PARD3: variants seen among roughly 807,000 people sequenced by gnomAD.
The protein encoded by PARD3 is partitioning defective 3 homolog.
PARD3 carries 75 observed loss-of-function variants against 155.4 expected under a neutral mutation model. The ratio of observed to expected loss-of-function variants is 0.48; its 90% CI spans 0.40 to 0.58. The LOEUF (loss-of-function observed/expected upper bound fraction) is 0.58, where lower values mean the gene tolerates loss of function less well. Among genes scored for constraint, PARD3 ranks in the 20% least tolerant of loss-of-function variants. The pLI, the probability that PARD3 is intolerant of heterozygous loss-of-function variation, is 0.00. For missense variants in PARD3, 1,642 were observed against 1,721.7 expected (o/e 0.95, Z 0.82); for synonymous variants, 576 against 610.5 (o/e 0.94, Z 0.83).
chr10:34,694,525 C>A (rs1021921815), intron 2 of PARD3, among the ~76,000 whole-genome samples: 1 of 135,774 alleles, frequency 7.4e-6, no homozygotes, highest in Non-Finnish European at 1.5e-5. Flanking sequence ...GGTTGGAGTG[C>A]AGTGGTGTGA....
At chr10:34,480,788 C>CT (rs1171867112) in intron 3 of PARD3, among the ~76,000 whole-genome samples, 1 of 129,528 alleles carries the variant, frequency 7.7e-6, no homozygotes, top group Non-Finnish European at 1.6e-5. Flanking sequence ...CTGCAGGTTT[C>CT]TTTTTCTTTT....
intron 2 of PARD3, among the ~76,000 whole-genome samples, chr10:34,579,667 G>A (rs989269304): frequency 1.0e-4 from 15 of 146,506 alleles, no homozygotes; most frequent in African/African-American, 3.3e-4. Flanking sequence ...TGCAACCTCC[G>A]CCTCCCAGGT....
At chr10:34,634,098 A>G (rs2092381102) in intron 2 of PARD3, among the ~76,000 whole-genome samples, 1 of 152,198 alleles carries the variant, frequency 6.6e-6, no homozygotes, top group East Asian at 1.9e-4. Context: ...AGATGACACT[A>G]GAAGATGAAA....
chr10:34,340,189 C>T (rs1359951525), intron 16 of PARD3, among the ~76,000 whole-genome samples: 1 of 152,158 alleles, frequency 6.6e-6, no homozygotes, highest in Non-Finnish European at 1.5e-5. Flanking sequence ...CAATCTATCC[C>T]TTCTACTTAT....
chr10:34,709,739 G>A (rs1311734754), intron 1 of PARD3, among the ~76,000 whole-genome samples: 1 of 152,154 alleles, frequency 6.6e-6, no homozygotes, highest in African/African-American at 2.4e-5. Context: ...AAAACAGAGA[G>A]GGAGAAGGGA....
chr10:34,684,243 C>G (rs2133366009), intron 2 of PARD3, among the ~76,000 whole-genome samples: 1 of 152,326 alleles, frequency 6.6e-6, no homozygotes, highest in Middle Eastern at 3.4e-3. Context: ...GAACCACACA[C>G]ACTGTCCTCA....
At chr10:34,706,931 G>A (rs1047800390) in intron 1 of PARD3, among the ~76,000 whole-genome samples, 3 of 151,954 alleles carry the variant, frequency 2.0e-5, no homozygotes, top group Non-Finnish European at 4.4e-5. Flanking sequence ...AACACAGTGA[G>A]ATCCTGTCTC....
At chr10:34,309,744 T>TCCCCCCCC (rs1554827542) in intron 20 of PARD3, among the ~76,000 whole-genome samples, 2 of 110,672 alleles carry the variant, frequency 1.8e-5, no homozygotes, top group Non-Finnish European at 3.7e-5. Flanking sequence ...TTCAACCATC[T>TCCCCCCCC]CCCCCACCCC....
chr10:34,521,364 C>CAAAAAA (rs35030184), intron 2 of PARD3, among the ~76,000 whole-genome samples: 2 of 90,510 alleles, frequency 2.2e-5, no homozygotes, highest in Admixed American at 1.2e-4. Context: ...AGTAACACAG[C>CAAAAAA]AAAAAAAAAA....
At chr10:34,461,200 C>A (rs78693215) in intron 4 of PARD3, among the ~76,000 whole-genome samples, 3,330 of 152,310 alleles carry the variant, frequency 0.022, 65 homozygotes, top group Non-Finnish European at 0.033. Flanking sequence ...AGCAATCCAT[C>A]TGATACTCTT....
chr10:34,231,858 G>A (rs1225284317), intron 22 of PARD3, among the ~76,000 whole-genome samples: 1 of 152,004 alleles, frequency 6.6e-6, no homozygotes, highest in Non-Finnish European at 1.5e-5. Context: ...CAGCAGTGTG[G>A]CCTGTTGATA....
At chr10:34,454,016 A>G (rs1314483436) in intron 4 of PARD3, among the ~76,000 whole-genome samples, 6 of 152,258 alleles carry the variant, frequency 3.9e-5, no homozygotes, top group African/African-American at 1.4e-4. Flanking sequence ...ATGAATCCAT[A>G]TATTGACTTA....
At chr10:34,602,670 G>C (rs113876629) in intron 2 of PARD3, among the ~76,000 whole-genome samples, 1 of 152,202 alleles carries the variant, frequency 6.6e-6, no homozygotes, top group African/African-American at 2.4e-5. Context: ...CCAGCAATGA[G>C]AGAATGTATA....
intron 22 of PARD3, among the ~76,000 whole-genome samples, chr10:34,158,904 G>A (rs1226686535): frequency 1.3e-5 from 2 of 152,226 alleles, no homozygotes; most frequent in Admixed American, 1.3e-4. Context: ...AGAGAAGTGA[G>A]GTTGAAAGGC....
intron 6 of PARD3, 114 bp downstream of exon 6, chr10:34,401,712 C>T: frequency 2.6e-6 from 2 of 766,446 alleles, no homozygotes; most frequent in Non-Finnish European, 2.4e-6. Flanking sequence ...CAATGCACGG[C>T]ATGTTTTTAA....
intron 5 of PARD3, among the ~76,000 whole-genome samples, chr10:34,414,104 G>A (rs775612793): frequency 5.9e-5 from 9 of 152,014 alleles, no homozygotes; most frequent in Non-Finnish European, 1.0e-4. Context: ...AGGCTGAGGT[G>A]GGAGGATCAC....
intron 7 of PARD3, among the ~76,000 whole-genome samples, chr10:34,385,707 A>G (rs1282020879): frequency 6.6e-6 from 1 of 152,200 alleles, no homozygotes; most frequent in Non-Finnish European, 1.5e-5. Flanking sequence ...TGCTGCTTCT[A>G]TACTTTTCCA....
At chr10:34,766,995 A>G (rs1163035928) in intron 1 of PARD3, among the ~76,000 whole-genome samples, 1 of 152,180 alleles carries the variant, frequency 6.6e-6, no homozygotes, top group African/African-American at 2.4e-5. Flanking sequence ...TCCCACAAGC[A>G]GCACATCCCT....
At chr10:34,511,372 C>A (rs1420803699) in intron 3 of PARD3, among the ~76,000 whole-genome samples, 1 of 152,020 alleles carries the variant, frequency 6.6e-6, no homozygotes, top group African/African-American at 2.4e-5. Flanking sequence ...TCATTTTGTC[C>A]TGCTCTAACA....
Sources: gnomAD v4.1 joint callset for allele counts (sites outside exome capture counted in the v4.1 genomes callset) on GRCh38, gnomAD v4.1.1 for gene constraint, MANE v1.5 for transcripts, NCBI Gene and HGNC (gene_info 2026-07-23, HGNC 2026-07-21) for gene names.